Variants in PAN2 observed in about 807,000 individuals in gnomAD.
The protein encoded by PAN2 is poly(A) specific ribonuclease subunit PAN2.
PAN2 carries 68 observed loss-of-function variants against 133.3 expected under a neutral mutation model. That is an observed-to-expected ratio of 0.51 (90% CI 0.42 to 0.62). The LOEUF is 0.62. Ranked by LOEUF, PAN2 falls within the 20% of genes least tolerant of loss-of-function variation. The probability of loss-of-function intolerance (pLI) is 0.00; values close to 1 mark genes in which losing one functional copy is unlikely to be tolerated. For missense variants in PAN2, 1,042 were observed against 1,500.5 expected (o/e 0.69, Z 5.05); for synonymous variants, 462 against 544.6 (o/e 0.85, Z 2.11).
chr12:56,332,481 G>C (rs904075204), intron 2 of PAN2, among the ~76,000 whole-genome samples: 4 of 151,780 alleles, frequency 2.6e-5, no homozygotes, highest in Non-Finnish European at 5.9e-5. Context: ...TGTAGTCCCA[G>C]CTACTTGAGA....
rs775202581 is a variant in PAN2, at chr12:56,322,410, T to G, written c.2697+13A>C. On this transcript the variant is annotated intron_variant, in intron 19 of 25. Transcript: ENST00000440411. ...GGGAAATGAAAGAAGAAACAGAACA[T>G]GTTGCAACTAACCTTATCAATAGGT... The G allele has an allele frequency of 6.3e-7, 1 of 1,598,866 alleles. No homozygotes were observed. The highest frequency in any genetic ancestry group is 8.6e-7 in the Non-Finnish European group (1 of 1,166,424).
rs1875354567 is a variant in PAN2 at position 56,328,364 on chromosome 12, G to A, written c.453-6C>T. On this transcript the variant is annotated splice_polypyrimidine_tract_variant and splice_region_variant and intron_variant, in intron 3 of 25. Coordinates refer to ENST00000440411, the MANE Select transcript of PAN2 (RefSeq NM_014871.6). Reference sequence around the variant, plus strand: ...TATCCTCATTCTCATCCAGCCTGGTGGGGAGAGGAAAGGCTAAGGGGCCCA... The same window carrying A: ...TATCCTCATTCTCATCCAGCCTGGTAGGGAGAGGAAAGGCTAAGGGGCCCA... 3 of 1,593,652 alleles carry A rather than the reference G, an allele frequency of 1.9e-6. No individual in the cohort carries two copies. The highest frequency in any genetic ancestry group is 1.3e-5 in the African/African-American group (1 of 74,286).
At chr12:56,324,778 G>A in intron 10 of PAN2, 69 bp from the exon 11 acceptor site, 1 of 1,545,764 alleles carries the variant, frequency 6.5e-7, no homozygotes, top group Non-Finnish European at 8.7e-7. Context: ...TGGAGGTTAA[G>A]TGAGCTGGTG....
chr12:56,321,209 T>A (rs1162054605), intron 20 of PAN2, among the ~76,000 whole-genome samples: 1 of 150,402 alleles, frequency 6.6e-6, no homozygotes, highest in African/African-American at 2.5e-5. Context: ...CACAAGTATA[T>A]GCCACCACAC....
At chr12:56,325,199 CT>C in intron 9 of PAN2, 71 bp from the exon 10 acceptor site, 6 of 1,587,876 alleles carry the variant, frequency 3.8e-6, no homozygotes, top group Non-Finnish European at 5.2e-6. Context: ...TAGCCACAGC[CT>C]TTCCTAGAGC....
chr12:56,328,637 T>G lies in PAN2; in HGVS notation c.287A>C (p.His96Pro). 6.2e-7 allele frequency: 1 copy of G among 1,614,038 alleles called. No homozygotes were observed. Among genetic ancestry groups the G allele is most frequent in the South Asian group, 1.1e-5 (1 of 91,076 alleles). ...GGCTGGGCCAAAAAATGAAGTGGCA[T>G]GGCCCTATAGAGGACAAAGACAACA... is the stretch of plus-strand genomic sequence containing the variant. Reference protein sequence around the residue: ...EMLWVGSHGGHATSFFGPALE... With the variant: ...EMLWVGSHGGPATSFFGPALE... Residue 96 changes from histidine (H) to proline (P), a missense_variant, in exon 3 of 26, where the codon CAT becomes CCT. Transcript: ENST00000440411.
In PAN2 at chr12:56,323,891, G is replaced by C; in HGVS notation, c.2088C>G (p.Asp696Glu). 6.2e-7 allele frequency: 1 copy of C among 1,614,034 alleles called. No homozygotes were observed. The highest frequency in any genetic ancestry group is 8.5e-7 in the Non-Finnish European group (1 of 1,179,840). The change falls in exon 14 of 26, where the codon GAC (aspartate) becomes GAG (glutamate). Residue 696 changes from aspartate (D) to glutamate (E), a missense_variant. Physicochemically the swap from Asp to Glu is conservative, Grantham distance 45. Transcript: ENST00000440411. Reference sequence around the variant, plus strand: ...TGCTTCGCTTCAGCACCTGAGCAAAGTCATAGTTCTTCCCAGTTTTATCTG... The same window carrying C: ...TGCTTCGCTTCAGCACCTGAGCAAACTCATAGTTCTTCCCAGTTTTATCTG... ...YPDDKTGKNY[D>E]FAQVLKRSIC... is the part of the protein sequence containing the mutation.
intron 2 of PAN2, among the ~76,000 whole-genome samples, chr12:56,331,332 A>G (rs1875815027): frequency 6.6e-6 from 1 of 152,130 alleles, no homozygotes; most frequent in South Asian, 2.1e-4. Flanking sequence ...ATCTTTGTTT[A>G]TCCTATGCTA....
At position 56,324,989 on chromosome 12, in the gene PAN2, C is replaced by T. The variant is rs748568626; in HGVS notation, c.1599+20G>A. The T allele has an allele frequency of 6.2e-7, 1 of 1,612,570 alleles. No individual in the cohort carries two copies. Among genetic ancestry groups the T allele is most frequent in the East Asian group, 2.2e-5 (1 of 44,874 alleles). The stretch of plus-strand genomic sequence containing the variant: ...AAAAGCAGCAGGCACGTTCAAGTTA[C>T]AGGAATACCCAACCCTTACCTGGAT... On this transcript the variant is annotated intron_variant, in intron 10 of 25. Coordinates refer to ENST00000440411, the MANE Select transcript of PAN2 (RefSeq NM_014871.6).
intron 24 of PAN2, among the ~76,000 whole-genome samples, chr12:56,318,791 C>T (rs756034002): frequency 5.3e-5 from 8 of 151,928 alleles, no homozygotes; most frequent in Non-Finnish European, 8.8e-5. Context: ...TTCTGGTATC[C>T]CTAATATGCA....
Position 56,320,033 on chromosome 12 carries a change from A to G in PAN2, c.2789-12T>C. ...AATAGGGTTCTTGACTAGAAGGGAGAATGCAGAGGACACAGGGCTTGGATA... is the reference window on the plus strand; with the variant it reads ...AATAGGGTTCTTGACTAGAAGGGAGGATGCAGAGGACACAGGGCTTGGATA... On this transcript the variant is annotated splice_polypyrimidine_tract_variant and intron_variant, in intron 20 of 25. Transcript: ENST00000440411. 1 of 1,614,072 alleles carries G rather than the reference A, an allele frequency of 6.2e-7. No individual in the cohort carries two copies. Among genetic ancestry groups the G allele is most frequent in the Non-Finnish European group, 8.5e-7 (1 of 1,179,926 alleles).
Position 56,332,906 on chromosome 12 carries a change from A to C in PAN2, c.189T>G (p.Ser63=). The change falls in exon 2 of 26, where the codon TCT becomes TCG. Residue 63 remains serine (S), a synonymous_variant. Transcript: ENST00000440411. ...ESVHIMEGVY[S]ELHSVVAEVG... is the part of the protein sequence containing the mutation. ...CTTCAGCCACCACGCTGTGCAATTC[A>C]GAGTAGACACCTTCCATTATGTGCA... 6.2e-7 allele frequency: 1 copy of C among 1,614,192 alleles called. No homozygotes were observed. Among genetic ancestry groups the C allele is most frequent in the Non-Finnish European group, 8.5e-7 (1 of 1,180,040 alleles).
rs1028110004 is a variant in PAN2 at position 56,319,018 on chromosome 12, G to T, written c.3364+70C>A. 11 of 1,465,770 alleles carry T rather than the reference G, an allele frequency of 7.5e-6. No homozygotes were observed. The highest frequency in any genetic ancestry group is 1.4e-5 in the African/African-American group (1 of 71,932). The allele number at this position is 1,465,770 out of a possible 1,614,324, so 90.8% of individuals were successfully genotyped here. ...CCATCCATGTTGCCGCAAAGAACAT[G>T]ATTTCTTTTTTTTTAAATGGCTGCT... On this transcript the variant is annotated intron_variant, in intron 24 of 25. Coordinates refer to ENST00000440411, the MANE Select transcript of PAN2 (RefSeq NM_014871.6). The surrounding 1 kb of genome is among the most constrained non-coding windows in gnomAD (Gnocchi z 5.4).
rs1875000964 is a variant in PAN2, at chr12:56,325,392, T to C, written c.1422A>G (p.Ser474=). The C allele has an allele frequency of 1.9e-6, 3 of 1,614,174 alleles. No homozygotes were observed. The East Asian group carries it at 6.7e-5, about 36-fold the overall frequency. ...EFDSFSQVTE[S]PVGREEEPHL... ...GTGGTTCCTCTTCTCGTCCTACTGG[T>C]GACTCAGTGACCTGGCTGAAGCTGT... The change falls in exon 9 of 26, where the codon TCA becomes TCG. Residue 474 remains serine, a synonymous_variant. Transcript: ENST00000440411.
rs542154141 is a variant in PAN2 at position 56,319,825 on chromosome 12, C to G, written c.2946+39G>C. 6.2e-7 allele frequency: 1 copy of G among 1,613,406 alleles called. No individual in the cohort carries two copies. Among genetic ancestry groups the G allele is most frequent in the African/African-American group, 1.3e-5 (1 of 74,898 alleles). On this transcript the variant is annotated intron_variant, in intron 21 of 25. Transcript: ENST00000440411. The surrounding 1 kb of genome is among the most constrained non-coding windows in gnomAD (Gnocchi z 5.4). ...TGCTTACAACTCCTAATATCCTCAG[C>G]GTTCTCTTCCAATGCCCCATCCCTT...
At position 56,317,285 on chromosome 12, in the gene PAN2, T is replaced by A; in HGVS notation, c.*324A>T. The A allele has an allele frequency of 3.0e-6, 1 of 329,512 alleles. No individual in the cohort carries two copies. The highest frequency in any genetic ancestry group is 3.9e-5 in the South Asian group (1 of 25,698). The allele number at this position is 329,512 out of a possible 1,614,324, so 20.4% of individuals were successfully genotyped here. On this transcript the variant is annotated 3_prime_UTR_variant, in exon 26 of 26. Coordinates refer to ENST00000440411, the MANE Select transcript of PAN2 (RefSeq NM_014871.6). Reference sequence around the variant, plus strand: ...TCCCTAGCCAGCTAGGAACTTACAGTTATGGTTCCAGGAGCTTCTCTGCCT... The same window carrying A: ...TCCCTAGCCAGCTAGGAACTTACAGATATGGTTCCAGGAGCTTCTCTGCCT...
rs1874313598 is a variant in PAN2, at chr12:56,320,098, A to T, written c.2789-77T>A. 2.2e-6 allele frequency: 3 copies of T among 1,390,668 alleles called. No individual in the cohort carries two copies. In the African/African-American group the frequency reaches 4.3e-5, roughly 20 times the overall value. 86.1% of individuals were successfully genotyped at this position (1,390,668 alleles called of 1,614,324 possible). ...GGAGAGAAGCCCAGTGTGGCTGATC[A>T]TCGACTCTGGGTCTTCACTGTGATC... is the stretch of plus-strand genomic sequence containing the variant. On this transcript the variant is annotated intron_variant, in intron 20 of 25. Coordinates refer to ENST00000440411, the MANE Select transcript of PAN2 (RefSeq NM_014871.6).
In PAN2 at chr12:56,319,271, C is replaced by T; in HGVS notation, c.3270+37G>A. ...CACAATGTATACCCTGAGGGGCCCA[C>T]TCTCACAAGAAGACTCTTAAAAGAG... On this transcript the variant is annotated intron_variant, in intron 23 of 25. Transcript: ENST00000440411. This position sits in a 1 kb window ranked among gnomAD's most constrained non-coding sequence, Gnocchi z 5.4. The T allele has an allele frequency of 6.2e-7, 1 of 1,611,682 alleles. No homozygotes were observed. The highest frequency in any genetic ancestry group is 1.3e-5 in the African/African-American group (1 of 74,840).
At position 56,328,310 on chromosome 12, in the gene PAN2, G is replaced by A. The variant is rs1875351256; in HGVS notation, c.501C>T (p.Ser167=). The part of the protein sequence containing the change: ...DMHSLLLTDS[S]TLLVGGLQNH... The stretch of plus-strand genomic sequence containing the variant: ...TCTGCAGCCCACCAACGAGTAGAGT[G>A]CTGCTGTCAGTCAGTAGGAGACTGT... The change falls in exon 4 of 26, where the codon AGC becomes AGT. Residue 167 remains serine, a synonymous_variant. Coordinates refer to ENST00000440411, the MANE Select transcript of PAN2 (RefSeq NM_014871.6). 1.9e-6 allele frequency: 3 copies of A among 1,610,032 alleles called. No individual in the cohort carries two copies. Among genetic ancestry groups the A allele is most frequent in the Non-Finnish European group, 2.5e-6 (3 of 1,177,680 alleles).
Sources: allele counts gnomAD v4.1 joint callset (sites outside exome capture counted in the v4.1 genomes callset), GRCh38; gene constraint gnomAD v4.1.1; non-coding constraint Gnocchi (gnomAD v3.1); transcripts MANE v1.5; gene names NCBI Gene and HGNC (gene_info 2026-07-23, HGNC 2026-07-21).